The following GRHL2 variants were observed in gnomAD, a reference collection of about 807,000 sequenced individuals.
GRHL2 encodes grainyhead like transcription factor 2.
In GRHL2, 21 loss-of-function variants were observed where a neutral mutation model predicts 83.8. The observed-to-expected ratio is 0.25, with a 90% confidence interval of 0.18 to 0.36. GRHL2 has a LOEUF of 0.36. GRHL2 is among the 10% of genes least tolerant of loss of function. The probability of loss-of-function intolerance (pLI) is 1.00; values close to 1 mark genes in which losing one functional copy is unlikely to be tolerated. For missense variants in GRHL2, 623 were observed against 781.8 expected (o/e 0.80, Z 2.42); for synonymous variants, 280 against 278.9 (o/e 1.00, Z -0.04).
At chr8:101,640,208 A>G (rs986451686) in intron 12 of GRHL2, among the ~76,000 whole-genome samples, 4 of 152,240 alleles carry the variant, frequency 2.6e-5, no homozygotes, top group African/African-American at 9.6e-5. Context: ...ACAATCTTTT[A>G]GAGTCTCAGT....
In GRHL2 at chr8:101,557,242, T is replaced by TG. The variant is rs1811507707; in HGVS notation, c.285-1176dup. On this transcript the variant is annotated intron_variant, in intron 3 of 15. Coordinates refer to ENST00000646743, the MANE Select transcript of GRHL2 (RefSeq NM_024915.4). ...AACAATACTTTTTTTTTTTTTTTTT[T>TG]GAGACAGAGTCTCGCTCTGTCCCCC... Among the ~76,000 whole-genome samples, 33 of 145,520 alleles carry TG rather than the reference T, an allele frequency of 2.3e-4. No individual in the cohort carries two copies. In the South Asian group the frequency reaches 7.2e-3, roughly 32 times the overall value.
At chr8:101,591,196 A>C (rs1476077808) in intron 7 of GRHL2, among the ~76,000 whole-genome samples, 1 of 152,224 alleles carries the variant, frequency 6.6e-6, no homozygotes, top group Non-Finnish European at 1.5e-5. Context: ...GGATCCTATA[A>C]TTTCTGTGCC....
intron 1 of GRHL2, among the ~76,000 whole-genome samples, chr8:101,539,879 AC>A (rs1355250338): frequency 2.6e-5 from 4 of 152,114 alleles, no homozygotes; most frequent in African/African-American, 9.7e-5. Flanking sequence ...TCACAGCACC[AC>A]CCATGTCCTT....
At chr8:101,652,383 T>TGG (rs1376681456) in intron 14 of GRHL2, among the ~76,000 whole-genome samples, 1 of 67,952 alleles carries the variant, frequency 1.5e-5, no homozygotes, top group African/African-American at 9.3e-5. Context: ...GATGTGTGTG[T>TGG]GGTGTGTGTG....
At position 101,636,588 on chromosome 8, in the gene GRHL2, T is replaced by C. The variant is rs1160440694; in HGVS notation, c.1486-309T>C. On this transcript the variant is annotated intron_variant, in intron 11 of 15. Coordinates refer to ENST00000646743, the MANE Select transcript of GRHL2 (RefSeq NM_024915.4). ...GTCTCCTTAATGTCAAAAGGAAGATTTGGCTTAATGCCATAGTTAATCTAA... is the reference window on the plus strand; with the variant it reads ...GTCTCCTTAATGTCAAAAGGAAGATCTGGCTTAATGCCATAGTTAATCTAA... 1.3e-5 allele frequency among the ~76,000 whole-genome samples: 2 copies of C among 152,220 alleles called. 1 individual carries two copies. Among genetic ancestry groups the C allele is most frequent in the South Asian group, 4.1e-4 (2 of 4,832 alleles).
chr8:101,570,535 T>C (rs187459056), intron 5 of GRHL2, 141 bp downstream of exon 5: 6 of 748,506 alleles, frequency 8.0e-6, no homozygotes, highest in East Asian at 7.9e-5. Context: ...TGCTTTTTTC[T>C]TTATACAAAG....
chr8:101,647,822 C>T (rs1414143717), intron 13 of GRHL2, among the ~76,000 whole-genome samples: 5 of 151,594 alleles, frequency 3.3e-5, no homozygotes, highest in African/African-American at 7.3e-5. Context: ...CACATGCACC[C>T]GTGTAGACTT....
intron 1 of GRHL2, among the ~76,000 whole-genome samples, chr8:101,523,518 C>G (rs1810736176): frequency 1.3e-5 from 2 of 151,676 alleles, no homozygotes; most frequent in Non-Finnish European, 2.9e-5. Flanking sequence ...ACTGTGTCAC[C>G]CAGGCTGGAG....
chr8:101,606,067 C>A (rs1161014426), intron 8 of GRHL2, among the ~76,000 whole-genome samples: 1 of 152,118 alleles, frequency 6.6e-6, no homozygotes, highest in African/African-American at 2.4e-5. Flanking sequence ...ATTTCCAAAG[C>A]AAGAATGAGG....
At chr8:101,569,617 G>A (rs1315324584) in intron 4 of GRHL2, among the ~76,000 whole-genome samples, 3 of 152,104 alleles carry the variant, frequency 2.0e-5, no homozygotes, top group South Asian at 2.1e-4. Flanking sequence ...CTACAGGGAT[G>A]AGCCACCACA....
At chr8:101,501,580 T>C (rs1810229725) in intron 1 of GRHL2, among the ~76,000 whole-genome samples, 1 of 151,722 alleles carries the variant, frequency 6.6e-6, no homozygotes, top group Non-Finnish European at 1.5e-5. Context: ...CTCAGTGGAG[T>C]GTGAGCGGCC....
At chr8:101,663,650 A>AATAAAAATAG (rs1473263031) in intron 14 of GRHL2, among the ~76,000 whole-genome samples, 1 of 143,448 alleles carries the variant, frequency 7.0e-6, no homozygotes, top group African/African-American at 2.7e-5. Flanking sequence ...AATAAAAATA[A>AATAAAAATAG]AAGTAGTATC....
chr8:101,601,943 C>A (rs1347275772), intron 8 of GRHL2, among the ~76,000 whole-genome samples: 1 of 152,118 alleles, frequency 6.6e-6, no homozygotes, highest in Non-Finnish European at 1.5e-5. Context: ...GCCTTGCATG[C>A]ATTAGGTATT....
intron 1 of GRHL2, among the ~76,000 whole-genome samples, chr8:101,530,289 A>G (rs749344074): frequency 2.0e-5 from 3 of 152,168 alleles, no homozygotes; most frequent in Non-Finnish European, 4.4e-5. Context: ...GGCTGTAAAC[A>G]TTAGAGGTAA....
intron 7 of GRHL2, among the ~76,000 whole-genome samples, chr8:101,593,521 G>A (rs1469421081): frequency 2.0e-5 from 3 of 152,052 alleles, no homozygotes; most frequent in Non-Finnish European, 4.4e-5. Flanking sequence ...TTATTTTTCA[G>A]CTATGGTAAC....
chr8:101,510,463 A>C (rs1338903857), intron 1 of GRHL2, among the ~76,000 whole-genome samples: 2 of 152,188 alleles, frequency 1.3e-5, no homozygotes, highest in Non-Finnish European at 2.9e-5. Context: ...TCACTATTAT[A>C]AAGTCATAAT....
chr8:101,526,498 C>A (rs1391792764), intron 1 of GRHL2, among the ~76,000 whole-genome samples: 4 of 147,050 alleles, frequency 2.7e-5, no homozygotes, highest in Non-Finnish European at 4.5e-5. Flanking sequence ...GTGGTGGATG[C>A]AAGTTTCCAA....
intron 2 of GRHL2, among the ~76,000 whole-genome samples, chr8:101,551,922 G>T (rs1563576331): frequency 3.3e-5 from 5 of 150,602 alleles, no homozygotes; most frequent in Non-Finnish European, 7.4e-5. Flanking sequence ...TGCAAGCTCC[G>T]CCTCCCAGGT....
chr8:101,531,528 AATC>A (rs1274428144), intron 1 of GRHL2, among the ~76,000 whole-genome samples: 1 of 152,090 alleles, frequency 6.6e-6, no homozygotes, highest in Non-Finnish European at 1.5e-5. Flanking sequence ...ATTCACCTAT[AATC>A]ATTGTCAACA....
Sources: allele counts gnomAD v4.1 joint callset (sites outside exome capture counted in the v4.1 genomes callset), GRCh38; gene constraint gnomAD v4.1.1; transcripts MANE v1.5; gene names NCBI Gene and HGNC (gene_info 2026-07-23, HGNC 2026-07-21).